LEKR1: variants seen among roughly 807,000 people sequenced by gnomAD.
LEKR1 encodes the protein protein LEKR1.
LEKR1 carries 59 observed loss-of-function variants against 72.4 expected under a neutral mutation model. The observed-to-expected ratio is 0.82, with a 90% CI of 0.66 to 1.01. LEKR1 has a LOEUF of 1.01. Ranked by LOEUF, LEKR1 falls within the 50% of genes least tolerant of loss-of-function variation. The pLI is 0.00. For synonymous variants in LEKR1, 257 were observed against 263.2 expected, an observed-to-expected ratio of 0.98 and a Z score of 0.23; for missense variants, 728 against 759.2, an observed-to-expected ratio of 0.96 and a Z score of 0.48.
chr3:156,933,297 T>G (rs951366655), intron 5 of LEKR1, among the ~76,000 whole-genome samples: 1 of 152,234 alleles, frequency 6.6e-6, no homozygotes, highest in East Asian at 1.9e-4. Flanking sequence ...GATATATGTT[T>G]TTGTTATTTT....
intron 5 of LEKR1, among the ~76,000 whole-genome samples, chr3:156,940,932 T>C (rs1244679176): frequency 6.6e-6 from 1 of 152,128 alleles, no homozygotes; most frequent in African/African-American, 2.4e-5. Flanking sequence ...ATCGTTTTGG[T>C]ATGTTATAGT....
chr3:156,901,360 A>G (rs1179296770), intron 3 of LEKR1, among the ~76,000 whole-genome samples: 1 of 152,104 alleles, frequency 6.6e-6, no homozygotes, highest in African/African-American at 2.4e-5. Context: ...TGCCTCCTTT[A>G]CCATATTTAT....
rs145154159 is a variant in LEKR1 at position 156,909,581 on chromosome 3, G to A, written c.264-10994G>A. Among the ~76,000 whole-genome samples the A allele has an allele frequency of 3.0e-3, 453 of 150,476 alleles. 3 individuals are homozygous for A. Among genetic ancestry groups the A allele is most frequent in the Non-Finnish European group, 3.8e-3 (255 of 67,778 alleles). ...CAGGAGAATCGTTTGAACCCGGGAG[G>A]CAGAGGTTACAGTGAGCCGAGATCA... On this transcript the variant is annotated intron_variant, in intron 3 of 12. Transcript: ENST00000356539.
intron 6 of LEKR1, among the ~76,000 whole-genome samples, chr3:156,958,055 T>TG (rs1727807689): frequency 6.6e-6 from 1 of 152,166 alleles, no homozygotes; most frequent in African/African-American, 2.4e-5. Context: ...TCATTTAAAA[T>TG]TAATAAGTCA....
chr3:156,859,843 G>A (rs922852075), intron 3 of LEKR1, among the ~76,000 whole-genome samples: 15 of 152,152 alleles, frequency 9.9e-5, no homozygotes, highest in Non-Finnish European at 1.3e-4. Context: ...GCTGGAGTAC[G>A]GCAAGTACTG....
chr3:156,943,831 A>G (rs914757507), intron 6 of LEKR1, among the ~76,000 whole-genome samples: 8 of 151,888 alleles, frequency 5.3e-5, no homozygotes, highest in African/African-American at 1.9e-4. Flanking sequence ...TCATCATATT[A>G]ACTTTATAGC....
chr3:156,904,212 T>C lies in LEKR1; in HGVS notation c.264-16363T>C, dbSNP rs572146720. 1.1e-4 allele frequency among the ~76,000 whole-genome samples: 16 copies of C among 152,304 alleles called. 1 individual carries two copies. In the South Asian group the frequency reaches 2.3e-3, roughly 22 times the overall value. ...CTAAAGAATAAATAATGTGATTTTA[T>C]TAAGGATACTTTAAAATGATGGTAG... On this transcript the variant is annotated intron_variant, in intron 3 of 12. Coordinates refer to ENST00000356539, the MANE Select transcript of LEKR1 (RefSeq NM_001004316.3).
At chr3:157,035,514 A>C (rs1332419773) in intron 12 of LEKR1, among the ~76,000 whole-genome samples, 1 of 152,176 alleles carries the variant, frequency 6.6e-6, no homozygotes, top group Non-Finnish European at 1.5e-5. Flanking sequence ...TCACACTCTC[A>C]TGTTTCAGAA....
chr3:156,906,756 G>C (rs1248328704), intron 3 of LEKR1, among the ~76,000 whole-genome samples: 1 of 152,182 alleles, frequency 6.6e-6, no homozygotes, highest in African/African-American at 2.4e-5. Context: ...ATCTCAGAGA[G>C]TTTAGTTAGA....
chr3:156,926,646 C>G (rs1376236800), intron 4 of LEKR1, among the ~76,000 whole-genome samples: 1 of 151,958 alleles, frequency 6.6e-6, no homozygotes, highest in Non-Finnish European at 1.5e-5. Context: ...TTCCATTTCT[C>G]CAACTGAGGA....
Position 156,957,534 on chromosome 3 carries a change from GA to G in LEKR1, c.745+14830del, listed in dbSNP as rs796121295. Among the ~76,000 whole-genome samples, 223 of 145,716 alleles carry G rather than the reference GA, an allele frequency of 1.5e-3. 1 individual carries two copies. Among genetic ancestry groups the G allele is most frequent in the African/African-American group, 4.6e-3 (184 of 39,924 alleles). On this transcript the variant is annotated intron_variant, in intron 6 of 12. Transcript: ENST00000356539. ...TAGCTCACATTCTACCTCCTACAGT[GA>G]AAAAAAAAACTCCTCAAAACAATAC...
intron 3 of LEKR1, among the ~76,000 whole-genome samples, chr3:156,880,911 C>T (rs1211422509): frequency 6.6e-6 from 1 of 152,206 alleles, no homozygotes; most frequent in African/African-American, 2.4e-5. Flanking sequence ...ACATGATTAT[C>T]TCAATAGATG....
rs182888011 is a variant in LEKR1, at chr3:156,838,756, C to G, written c.48+9379C>G. Among the ~76,000 whole-genome samples the G allele has an allele frequency of 1.1e-3, 174 of 152,282 alleles. 2 individuals carry two copies. The highest frequency in any genetic ancestry group is 9.5e-3 in the Admixed American group (145 of 15,304). ...AGAGAAATAAGCAGCTGCCAGAGCT[C>G]ACCTCCAATTCCAACATACTGGTGG... On this transcript the variant is annotated intron_variant, in intron 2 of 12. Coordinates refer to ENST00000356539, the MANE Select transcript of LEKR1 (RefSeq NM_001004316.3).
intron 12 of LEKR1, among the ~76,000 whole-genome samples, chr3:157,041,987 T>C (rs1028632281): frequency 3.0e-4 from 45 of 152,344 alleles, no homozygotes; most frequent in Non-Finnish European, 3.8e-4. Context: ...CTTATCAGAC[T>C]ACACCCCTGA....
intron 6 of LEKR1, among the ~76,000 whole-genome samples, chr3:156,952,958 A>G (rs1727299029): frequency 6.6e-6 from 1 of 151,542 alleles, no homozygotes; most frequent in South Asian, 2.1e-4. Context: ...CAAACAAAGA[A>G]AGGAAGATAC....
At chr3:156,832,964 A>G (rs1560010553) in intron 2 of LEKR1, among the ~76,000 whole-genome samples, 1 of 152,260 alleles carries the variant, frequency 6.6e-6, no homozygotes. Flanking sequence ...CTATATTGCC[A>G]TATGCTAAGA....
At chr3:157,039,544 C>T (rs1022466629) in intron 12 of LEKR1, among the ~76,000 whole-genome samples, 3 of 152,048 alleles carry the variant, frequency 2.0e-5, no homozygotes, top group African/African-American at 4.8e-5. Context: ...GCTTGAGCCT[C>T]GGGGGTTGAG....
intron 10 of LEKR1, among the ~76,000 whole-genome samples, chr3:157,013,199 C>A (rs1251428683): frequency 1.3e-5 from 2 of 152,132 alleles, no homozygotes. Flanking sequence ...CATTCCTCTT[C>A]TCAAACTCCT....
chr3:156,841,435 A>G (rs1184146986), intron 2 of LEKR1, among the ~76,000 whole-genome samples: 1 of 152,222 alleles, frequency 6.6e-6, no homozygotes, highest in Non-Finnish European at 1.5e-5. Flanking sequence ...GCATTTCATA[A>G]ATCTGCAGAT....
Sources: gnomAD v4.1 joint callset for allele counts (sites outside exome capture counted in the v4.1 genomes callset) on GRCh38, gnomAD v4.1.1 for gene constraint, MANE v1.5 for transcripts, NCBI Gene and HGNC (gene_info 2026-07-23, HGNC 2026-07-21) for gene names.